SLC5A1: variants seen among roughly 807,000 people sequenced by gnomAD.
SLC5A1 encodes the protein solute carrier family 5 member 1, also known as sodium/glucose cotransporter 1.
SLC5A1 carries 42 observed loss-of-function variants against 73.5 expected under a neutral mutation model. That is an observed-to-expected ratio of 0.57 (90% CI 0.45 to 0.74). The LOEUF is 0.74. Among genes scored for constraint, SLC5A1 ranks in the 30% least tolerant of loss-of-function variants. SLC5A1 has a pLI of 0.00. For missense variants in SLC5A1, 634 were observed against 855.4 expected, an observed-to-expected ratio of 0.74 and a Z score of 3.23; for synonymous variants, 300 against 317.4, an observed-to-expected ratio of 0.95 and a Z score of 0.58.
intron 5 of SLC5A1, among the ~76,000 whole-genome samples, chr22:32,075,070 C>CTTTTT (rs1045791303): frequency 1.9e-5 from 2 of 107,680 alleles, no homozygotes; most frequent in African/African-American, 3.4e-5. Flanking sequence ...CTATTTTTTA[C>CTTTTT]TTTTTTTTTT....
At chr22:32,052,082 T>C (rs2093945831) in intron 2 of SLC5A1, among the ~76,000 whole-genome samples, 1 of 152,074 alleles carries the variant, frequency 6.6e-6, no homozygotes, top group Admixed American at 6.5e-5. Context: ...GTAAGTAGAG[T>C]GAAGATGATG....
chr22:32,070,215 C>A (rs1302708059), intron 5 of SLC5A1, among the ~76,000 whole-genome samples: 3 of 42,946 alleles, frequency 7.0e-5, no homozygotes, highest in Non-Finnish European at 1.6e-4. Context: ...TCTCTTCTCC[C>A]CTCCCCTCCC....
At chr22:32,045,143 C>A (rs1473258734) in intron 1 of SLC5A1, among the ~76,000 whole-genome samples, 1 of 152,160 alleles carries the variant, frequency 6.6e-6, no homozygotes, top group Non-Finnish European at 1.5e-5. Flanking sequence ...CTCCTTCCAC[C>A]CCACCCCAGC....
rs868348969 is a variant in SLC5A1, at chr22:32,091,753, T to C, written c.1271T>C (p.Ile424Thr). The change falls in exon 11 of 15, where the codon ATT becomes ACT. Residue 424 changes from isoleucine (I) to threonine (T), a missense_variant. By Grantham distance (89) the Ile-to-Thr change is moderately conservative (BLOSUM62 -1). Coordinates refer to ENST00000266088, the MANE Select transcript of SLC5A1 (RefSeq NM_000343.4). ...RKRASEKELM[I>T]AGRLFILVLI... Reference sequence around the variant, plus strand: ...AGAGCATCTGAGAAAGAGCTCATGATTGCCGGAAGGTAAATGCAGCTTCCC... The same window carrying C: ...AGAGCATCTGAGAAAGAGCTCATGACTGCCGGAAGGTAAATGCAGCTTCCC... 2 of 1,613,828 alleles carry C rather than the reference T, an allele frequency of 1.2e-6. No homozygotes were observed. The highest frequency in any genetic ancestry group is 2.2e-5 in the South Asian group (2 of 91,052).
intron 7 of SLC5A1, among the ~76,000 whole-genome samples, 157 bp from the exon 8 acceptor site, chr22:32,084,282 C>T (rs2094004466): frequency 6.6e-6 from 1 of 152,246 alleles, no homozygotes; most frequent in Non-Finnish European, 1.5e-5. Flanking sequence ...GATGACAAAG[C>T]TGAGGCCCAG....
At chr22:32,106,415 C>T (rs763031305) in intron 14 of SLC5A1, among the ~76,000 whole-genome samples, 1 of 151,954 alleles carries the variant, frequency 6.6e-6, no homozygotes, top group African/African-American at 2.4e-5. Context: ...GGATTCTTAC[C>T]CCTCATATTT....
At chr22:32,061,027 A>C (rs2093961738) in intron 2 of SLC5A1, among the ~76,000 whole-genome samples, 1 of 152,084 alleles carries the variant, frequency 6.6e-6, no homozygotes, top group African/African-American at 2.4e-5. Context: ...AGAGCTTATT[A>C]CTCTGATTTC....
intron 1 of SLC5A1, among the ~76,000 whole-genome samples, chr22:32,045,357 A>G (rs1209791575): frequency 6.6e-6 from 1 of 152,212 alleles, no homozygotes; most frequent in Non-Finnish European, 1.5e-5. Flanking sequence ...GCTAAATGCT[A>G]CTTAATAGCC....
chr22:32,076,472 T>C (rs135111), intron 5 of SLC5A1, among the ~76,000 whole-genome samples: 78,460 of 152,182 alleles, frequency 0.52, 23,627 homozygotes, highest in East Asian at 0.84. Context: ...TGAATGTTCA[T>C]GTCCCCATTT....
chr22:32,069,292 A>G (rs959232169), intron 5 of SLC5A1, among the ~76,000 whole-genome samples: 1 of 152,150 alleles, frequency 6.6e-6, no homozygotes, highest in Non-Finnish European at 1.5e-5. Flanking sequence ...TTGGGGAGAT[A>G]TTGGTCAAAG....
At chr22:32,099,480 G>C in intron 12 of SLC5A1, 129 bp downstream of exon 12, 1 of 957,930 alleles carries the variant, frequency 1.0e-6, no homozygotes. Context: ...TGCTGCTGAG[G>C]GTTTGTAGGG....
In SLC5A1 at chr22:32,112,412, C is replaced by T. The variant is rs182963870; in HGVS notation, c.*2199C>T. Reference sequence around the variant, plus strand: ...CAAGCATAATGCAGACTTCACAGAGCTGTTGTAAAGATTAGGTGAGGTCAA... The same window carrying T: ...CAAGCATAATGCAGACTTCACAGAGTTGTTGTAAAGATTAGGTGAGGTCAA... On this transcript the variant is annotated 3_prime_UTR_variant, in exon 15 of 15. Coordinates refer to ENST00000266088, the MANE Select transcript of SLC5A1 (RefSeq NM_000343.4). 1 of 152,252 alleles carries T rather than the reference C, an allele frequency of 6.6e-6. No homozygotes were observed. Among genetic ancestry groups the T allele is most frequent in the East Asian group, 1.9e-4 (1 of 5,182 alleles). The allele number at this position is 152,252 out of a possible 1,614,324, so 9.4% of individuals were successfully genotyped here.
At chr22:32,093,386 G>T (rs905757662) in intron 11 of SLC5A1, among the ~76,000 whole-genome samples, 2 of 152,102 alleles carry the variant, frequency 1.3e-5, no homozygotes, top group African/African-American at 4.8e-5. Context: ...TTTGTAGATT[G>T]CTTTTGGCAG....
At position 32,067,910 on chromosome 22, in the gene SLC5A1, G is replaced by A; in HGVS notation, c.313-57G>A. The A allele has an allele frequency of 3.2e-6, 5 of 1,563,148 alleles. No homozygotes were observed. The East Asian group carries it at 1.1e-4, about 35-fold the overall frequency. On this transcript the variant is annotated intron_variant, in intron 3 of 14. Transcript: ENST00000266088. ...GCAGCAGCTGAGGGGCCCTTCAGGT[G>A]GCAGGGATGGGCTAAGTTTCCTCCT...
chr22:32,044,231 G>A (rs1390494306), intron 1 of SLC5A1, among the ~76,000 whole-genome samples: 3 of 152,186 alleles, frequency 2.0e-5, no homozygotes, highest in Non-Finnish European at 4.4e-5. Flanking sequence ...CTAGCACTTT[G>A]AGAGGCCAAG....
At chr22:32,055,209 A>G (rs547151855) in intron 2 of SLC5A1, among the ~76,000 whole-genome samples, 19 of 152,294 alleles carry the variant, frequency 1.2e-4, no homozygotes, top group African/African-American at 4.6e-4. Context: ...CATGAAGGTA[A>G]TGAGTGAAAG....
At chr22:32,087,332 G>A (rs1246867921) in intron 10 of SLC5A1, among the ~76,000 whole-genome samples, 1 of 152,068 alleles carries the variant, frequency 6.6e-6, no homozygotes, top group Non-Finnish European at 1.5e-5. Flanking sequence ...GATATTTCAA[G>A]ACATCATATT....
intron 2 of SLC5A1, among the ~76,000 whole-genome samples, chr22:32,062,412 G>A (rs2093964686): frequency 6.6e-6 from 1 of 152,150 alleles, no homozygotes; most frequent in African/African-American, 2.4e-5. Flanking sequence ...TTTGTGATGT[G>A]ACATTATGTT....
At chr22:32,092,113 G>A (rs1404487948) in intron 11 of SLC5A1, among the ~76,000 whole-genome samples, 3 of 151,730 alleles carry the variant, frequency 2.0e-5, no homozygotes, top group Non-Finnish European at 2.9e-5. Flanking sequence ...CCCGTTTCCC[G>A]TGAGTCCCCA....
Sources: gnomAD v4.1 joint callset for allele counts (sites outside exome capture counted in the v4.1 genomes callset) on GRCh38, gnomAD v4.1.1 for gene constraint, MANE v1.5 for transcripts, NCBI Gene and HGNC (gene_info 2026-07-23, HGNC 2026-07-21) for gene names.